The following PIBF1 variants were observed in gnomAD, a reference collection of about 807,000 sequenced individuals.
PIBF1 encodes the protein progesterone immunomodulatory binding factor 1, also known as progesterone-induced-blocking factor 1.
A neutral mutation model predicts 112.5 loss-of-function variants in PIBF1; 90 were observed. That is an observed-to-expected ratio of 0.80 (90% CI 0.67 to 0.95). The LOEUF (loss-of-function observed/expected upper bound fraction) is 0.95. Among genes scored for constraint, PIBF1 ranks in the 40% least tolerant of loss-of-function variants. PIBF1 has a pLI of 0.00. For missense variants in PIBF1, 915 were observed against 852.3 expected, an observed-to-expected ratio of 1.07 and a Z score of -0.92; for synonymous variants, 301 against 288.6, an observed-to-expected ratio of 1.04 and a Z score of -0.44.
intron 15 of PIBF1, among the ~76,000 whole-genome samples, chr13:72,972,475 C>T (rs976509444): frequency 5.9e-5 from 9 of 152,094 alleles, no homozygotes; most frequent in African/African-American, 2.2e-4. Flanking sequence ...ACCAGCCTGG[C>T]CAGCATGGTG....
intron 16 of PIBF1, among the ~76,000 whole-genome samples, chr13:72,978,136 A>T (rs1326719526): frequency 1.3e-5 from 2 of 152,148 alleles, no homozygotes; most frequent in African/African-American, 4.8e-5. Context: ...GCAGAGGGGG[A>T]AAGGGCAAAA....
chr13:72,962,685 T>C (rs1358978736), intron 14 of PIBF1, among the ~76,000 whole-genome samples: 1 of 152,110 alleles, frequency 6.6e-6, no homozygotes, highest in East Asian at 1.9e-4. Flanking sequence ...AGATTTAATG[T>C]TGTTAGGATG....
intron 16 of PIBF1, chr13:72,973,893 C>T (rs1403191361): frequency 1.0e-5 from 5 of 478,030 alleles, no homozygotes; most frequent in Non-Finnish European, 1.5e-5. Flanking sequence ...TGATATCTGT[C>T]ACTGAATTTC....
chr13:72,807,499 T>C (rs2035796987), intron 5 of PIBF1, among the ~76,000 whole-genome samples: 1 of 152,140 alleles, frequency 6.6e-6, no homozygotes, highest in Non-Finnish European at 1.5e-5. Flanking sequence ...CGCTTGAACC[T>C]GAGAGGTGGA....
intron 12 of PIBF1, 79 bp from the exon 13 acceptor site, chr13:72,916,997 C>A: frequency 2.3e-6 from 2 of 877,368 alleles, no homozygotes; most frequent in Non-Finnish European, 1.7e-6. Flanking sequence ...TTGTTATAAC[C>A]TCCTTTATTT....
chr13:72,875,738 C>T (rs1215490633), intron 10 of PIBF1, among the ~76,000 whole-genome samples: 1 of 152,160 alleles, frequency 6.6e-6, no homozygotes, highest in Non-Finnish European at 1.5e-5. Flanking sequence ...ACTGTATCTT[C>T]TTTGGTGATG....
intron 9 of PIBF1, among the ~76,000 whole-genome samples, chr13:72,843,708 G>C (rs910653165): frequency 2.6e-5 from 4 of 152,134 alleles, no homozygotes; most frequent in Non-Finnish European, 5.9e-5. Context: ...CACCGCGCCT[G>C]GCCTAATTTC....
At chr13:72,894,080 CAAG>C (rs2040170629) in intron 11 of PIBF1, 131 bp downstream of exon 11, 1 of 341,356 alleles carries the variant, frequency 2.9e-6, no homozygotes, top group Non-Finnish European at 4.8e-6. Flanking sequence ...AAAAAAAAAA[CAAG>C]GAAATACGTA....
chr13:72,912,573 TAAAC>T (rs2040928995), intron 12 of PIBF1, among the ~76,000 whole-genome samples: 1 of 152,132 alleles, frequency 6.6e-6, no homozygotes, highest in African/African-American at 2.4e-5. Context: ...ACAAAATAAT[TAAAC>T]AACCTAATCA....
At chr13:72,809,100 T>C (rs897554985) in intron 5 of PIBF1, among the ~76,000 whole-genome samples, 5 of 151,016 alleles carry the variant, frequency 3.3e-5, no homozygotes, top group Admixed American at 2.0e-4. Flanking sequence ...ATGGTCTTAA[T>C]TTTTTTCACC....
chr13:72,848,649 C>T (rs1190387421), intron 9 of PIBF1, among the ~76,000 whole-genome samples: 1 of 151,934 alleles, frequency 6.6e-6, no homozygotes, highest in Non-Finnish European at 1.5e-5. Flanking sequence ...ATCGAGACCA[C>T]AGTGAAACCC....
rs1239719339 is a variant in PIBF1, at chr13:72,910,491, G to A, written c.1639+1810G>A. On this transcript the variant is annotated intron_variant, in intron 12 of 17. Coordinates refer to ENST00000326291, the MANE Select transcript of PIBF1 (RefSeq NM_006346.4). The stretch of plus-strand genomic sequence containing the variant: ...ATTAGGAATAGAAGGGAACTTCCTC[G>A]ATCTGAAAAAGGGCATTTATAAAAA... Among the ~76,000 whole-genome samples the A allele has an allele frequency of 2.0e-5, 3 of 152,012 alleles. No homozygotes were observed. The East Asian group carries it at 5.8e-4, about 29-fold the overall frequency.
chr13:72,903,139 T>TC (rs1297950636), intron 11 of PIBF1, among the ~76,000 whole-genome samples: 1 of 152,012 alleles, frequency 6.6e-6, no homozygotes, highest in Non-Finnish European at 1.5e-5. Context: ...CTCAAGTGAT[T>TC]CCCCCTGCCT....
At chr13:72,808,076 T>G (rs1009600399) in intron 5 of PIBF1, among the ~76,000 whole-genome samples, 5 of 152,204 alleles carry the variant, frequency 3.3e-5, no homozygotes, top group African/African-American at 1.2e-4. Flanking sequence ...AATGGGCATT[T>G]GAGTTATTTC....
At chr13:73,002,961 C>T (rs10454656) in intron 17 of PIBF1, among the ~76,000 whole-genome samples, 1,159 of 113,312 alleles carry the variant, frequency 0.01, 16 homozygotes, top group Middle Eastern at 0.078. Flanking sequence ...CCAGCCTGGA[C>T]GACACAGCAA....
At chr13:72,914,581 G>A (rs1186552612) in intron 12 of PIBF1, among the ~76,000 whole-genome samples, 5 of 152,060 alleles carry the variant, frequency 3.3e-5, no homozygotes, top group Non-Finnish European at 1.5e-5. Flanking sequence ...ACTATCAATA[G>A]GCTAGTAATT....
chr13:72,821,543 T>G (rs1365370587), intron 5 of PIBF1, among the ~76,000 whole-genome samples: 2 of 152,190 alleles, frequency 1.3e-5, no homozygotes, highest in East Asian at 3.8e-4. Context: ...TCAGTAAATG[T>G]TTTTAAAAAG....
chr13:72,896,656 G>A (rs1354629627), intron 11 of PIBF1, among the ~76,000 whole-genome samples: 1 of 152,074 alleles, frequency 6.6e-6, no homozygotes, highest in African/African-American at 2.4e-5. Flanking sequence ...GAAATGTTCT[G>A]GAAAGTCTCA....
intron 5 of PIBF1, among the ~76,000 whole-genome samples, chr13:72,815,175 G>A (rs978202454): frequency 2.0e-5 from 3 of 152,130 alleles, no homozygotes; most frequent in Admixed American, 6.5e-5. Context: ...TACTACAGAT[G>A]TAAAAATTTG....
Sources: allele counts gnomAD v4.1 joint callset (sites outside exome capture counted in the v4.1 genomes callset), GRCh38; gene constraint gnomAD v4.1.1; transcripts MANE v1.5; gene names NCBI Gene and HGNC (gene_info 2026-07-23, HGNC 2026-07-21).